Variants in PPM1H observed in about 807,000 individuals in gnomAD.
The protein encoded by PPM1H is protein phosphatase, Mg2+/Mn2+ dependent 1H.
Under a neutral mutation model 54.9 loss-of-function variants are expected in PPM1H, and 27 were observed. That is an observed-to-expected ratio of 0.49 (90% CI 0.36 to 0.68). The LOEUF is 0.68. Ranked by LOEUF, PPM1H falls within the 30% of genes least tolerant of loss-of-function variation. The pLI is 0.00. For missense variants in PPM1H, 596 were observed against 667.8 expected (o/e 0.89, Z 1.19); for synonymous variants, 305 against 270.8 (o/e 1.13, Z -1.24).
intron 5 of PPM1H, 25 bp downstream of exon 5, chr12:62,737,477 T>G (rs747279010): frequency 6.7e-7 from 1 of 1,490,406 alleles, no homozygotes; most frequent in African/African-American, 1.4e-5. Flanking sequence ...GCCACTGCCC[T>G]CTGCCAAGCC....
At chr12:62,819,324 TC>T (rs1189073383) in intron 2 of PPM1H, among the ~76,000 whole-genome samples, 1 of 150,300 alleles carries the variant, frequency 6.7e-6, no homozygotes, top group Non-Finnish European at 1.5e-5. Context: ...AAAGATGGGT[TC>T]ACCTTCTTGG....
At chr12:62,828,932 T>TAAAA (rs66531831) in intron 2 of PPM1H, among the ~76,000 whole-genome samples, 71 of 150,872 alleles carry the variant, frequency 4.7e-4, no homozygotes, top group African/African-American at 1.5e-3. Flanking sequence ...TGATTACTAT[T>TAAAA]AAAAAAAGAA....
At chr12:62,832,892 G>A (rs374203061) in intron 1 of PPM1H, among the ~76,000 whole-genome samples, 1 of 151,958 alleles carries the variant, frequency 6.6e-6, no homozygotes, top group South Asian at 2.1e-4. Flanking sequence ...ATCACACTGG[G>A]CTATAGGCAC....
intron 5 of PPM1H, among the ~76,000 whole-genome samples, chr12:62,733,259 C>T (rs1001189583): frequency 7.9e-5 from 12 of 152,130 alleles, no homozygotes; most frequent in East Asian, 1.9e-4. Flanking sequence ...TTTTCTCCAC[C>T]CCCCTCCCTG....
intron 5 of PPM1H, among the ~76,000 whole-genome samples, chr12:62,726,039 GAT>G (rs1419402712): frequency 6.6e-6 from 1 of 152,092 alleles, no homozygotes; most frequent in Non-Finnish European, 1.5e-5. Context: ...GTGTACCTGT[GAT>G]ATATTTTTAC....
chr12:62,813,362 T>C (rs903551540), intron 2 of PPM1H, among the ~76,000 whole-genome samples: 1 of 139,510 alleles, frequency 7.2e-6, no homozygotes, highest in Non-Finnish European at 1.5e-5. Context: ...GGTCGGCGTG[T>C]AAGAGACACG....
intron 3 of PPM1H, among the ~76,000 whole-genome samples, chr12:62,792,871 A>AT (rs1484384914): frequency 6.6e-6 from 1 of 152,220 alleles, no homozygotes; most frequent in African/African-American, 2.4e-5. Flanking sequence ...CAAACATGAT[A>AT]TATTAAGTCA....
At chr12:62,771,939 A>T (rs775053539) in intron 4 of PPM1H, among the ~76,000 whole-genome samples, 11 of 152,172 alleles carry the variant, frequency 7.2e-5, no homozygotes, top group Non-Finnish European at 1.6e-4. Flanking sequence ...AGTTGAATTA[A>T]TTCATTTAAT....
intron 3 of PPM1H, among the ~76,000 whole-genome samples, chr12:62,800,559 G>A (rs1421987252): frequency 2.0e-5 from 3 of 151,790 alleles, no homozygotes; most frequent in Admixed American, 6.6e-5. Context: ...GGCTGGTCTC[G>A]AACTCCTGAC....
intron 1 of PPM1H, among the ~76,000 whole-genome samples, chr12:62,875,678 A>G (rs1175779746): frequency 6.6e-6 from 1 of 152,220 alleles, no homozygotes; most frequent in East Asian, 1.9e-4. Context: ...AGAAATGAAC[A>G]TTGGTAAGGC....
Position 62,793,740 on chromosome 12 carries a change from C to CAA in PPM1H, c.757-5404_757-5403dup, listed in dbSNP as rs34457644. Among the ~76,000 whole-genome samples, 433 of 60,856 alleles carry CAA rather than the reference C, an allele frequency of 7.1e-3. 6 individuals carry two copies. The highest frequency in any genetic ancestry group is 0.014 in the South Asian group (20 of 1,380). The allele number at this position is 60,856 out of a possible 152,430, so 39.9% of individuals were successfully genotyped here. On this transcript the variant is annotated intron_variant, in intron 3 of 9. Coordinates refer to ENST00000228705, the MANE Select transcript of PPM1H (RefSeq NM_020700.2). ...GGGCAACAAGAGAGAAACTCCGTTTCAAAAAAAAAAAAAAAAAAAAAAGGC... is the reference window on the plus strand; with the variant it reads ...GGGCAACAAGAGAGAAACTCCGTTTCAAAAAAAAAAAAAAAAAAAAAAAAGGC...
intron 8 of PPM1H, among the ~76,000 whole-genome samples, chr12:62,688,149 C>A (rs1359140976): frequency 1.3e-5 from 2 of 152,186 alleles, no homozygotes; most frequent in African/African-American, 4.8e-5. Flanking sequence ...AACTCCCTTG[C>A]AGCTAGAAGG....
chr12:62,725,879 T>G (rs750577119), intron 5 of PPM1H, among the ~76,000 whole-genome samples: 1 of 152,176 alleles, frequency 6.6e-6, no homozygotes, highest in East Asian at 1.9e-4. Context: ...AATACTGTCA[T>G]AGTCACCCCC....
At chr12:62,794,530 T>C (rs552973621) in intron 3 of PPM1H, among the ~76,000 whole-genome samples, 99 of 152,284 alleles carry the variant, frequency 6.5e-4, no homozygotes, top group Non-Finnish European at 1.3e-4. Flanking sequence ...GAACCGACTC[T>C]GGTGGGGAAT....
chr12:62,764,823 G>A (rs905348848), intron 4 of PPM1H, among the ~76,000 whole-genome samples: 1 of 152,208 alleles, frequency 6.6e-6, no homozygotes, highest in African/African-American at 2.4e-5. Context: ...ACTGGCACGG[G>A]GGGCCATGGA....
rs555919312 is a variant in PPM1H at position 62,723,557 on chromosome 12, G to A, written c.955-3268C>T. 1.2e-3 allele frequency among the ~76,000 whole-genome samples: 176 copies of A among 152,278 alleles called. 2 individuals carry two copies. The highest frequency in any genetic ancestry group is 3.9e-3 in the African/African-American group (162 of 41,556). ...CTGCTATAGAAAAGGGCTTGTGAGA[G>A]TGAGTTCACTCTCTTGCCCTTCCAC... is the stretch of plus-strand genomic sequence containing the variant. On this transcript the variant is annotated intron_variant, in intron 5 of 9. Transcript: ENST00000228705.
chr12:62,818,704 C>T (rs998003440), intron 2 of PPM1H, among the ~76,000 whole-genome samples: 2 of 152,114 alleles, frequency 1.3e-5, no homozygotes, highest in East Asian at 3.8e-4. Context: ...ATTAAGCTAC[C>T]CAAAAATGAT....
chr12:62,711,656 A>G (rs2076207372), intron 6 of PPM1H, among the ~76,000 whole-genome samples: 1 of 152,202 alleles, frequency 6.6e-6, no homozygotes, highest in Admixed American at 6.5e-5. Context: ...TGTGGATAAT[A>G]GATATAAATG....
intron 1 of PPM1H, among the ~76,000 whole-genome samples, chr12:62,920,358 A>G (rs185803585): frequency 5.4e-4 from 82 of 152,086 alleles, no homozygotes; most frequent in African/African-American, 1.8e-3. Context: ...ACAGGGTCTC[A>G]CTCTGTCACC....
Sources: allele counts gnomAD v4.1 joint callset (sites outside exome capture counted in the v4.1 genomes callset), GRCh38; gene constraint gnomAD v4.1.1; transcripts MANE v1.5; gene names NCBI Gene and HGNC (gene_info 2026-07-23, HGNC 2026-07-21).